Variants in AVEN observed in about 807,000 individuals in gnomAD.
The protein encoded by AVEN is apoptosis and caspase activation inhibitor.
Under a neutral mutation model 38.1 loss-of-function variants are expected in AVEN, and 41 were observed. That is an observed-to-expected ratio of 1.08 (90% CI 0.84 to 1.40). The LOEUF is 1.40. Ranked by LOEUF, AVEN falls within the 40% of genes most tolerant of loss-of-function variation. The pLI is 0.00. For synonymous variants in AVEN, 206 were observed against 171.8 expected (o/e 1.20, Z -1.56); for missense variants, 605 against 438.8 (o/e 1.38, Z -3.38).
chr15:34,009,362 A>G (rs1395949202), intron 1 of AVEN, among the ~76,000 whole-genome samples: 1 of 152,236 alleles, frequency 6.6e-6, no homozygotes, highest in Non-Finnish European at 1.5e-5. Context: ...TAACTATAAA[A>G]TATCACATAA....
rs1012834499 is a variant in AVEN, at chr15:33,946,565, G to A, written c.445+56467C>T. Among the ~76,000 whole-genome samples, 7 of 152,292 alleles carry A rather than the reference G, an allele frequency of 4.6e-5. No homozygotes were observed. In the East Asian group the frequency reaches 1.2e-3, roughly 25 times the overall value. ...CATTCTATTGGGGAACCACAAGCAG[G>A]AGGATCTGTGTTAGCTCAGATGTCA... On this transcript the variant is annotated intron_variant, in intron 2 of 5. Coordinates refer to ENST00000306730, the MANE Select transcript of AVEN (RefSeq NM_020371.3).
At chr15:33,983,160 ATGTGTGTGTG>A (rs1491327104) in intron 2 of AVEN, among the ~76,000 whole-genome samples, 11 of 64,580 alleles carry the variant, frequency 1.7e-4, no homozygotes, top group East Asian at 7.5e-4. Flanking sequence ...GTGTGTGTGT[ATGTGTGTGTG>A]TATATATACA....
intron 2 of AVEN, among the ~76,000 whole-genome samples, chr15:33,921,911 T>A (rs1893411177): frequency 1.3e-5 from 2 of 152,114 alleles, no homozygotes; most frequent in African/African-American, 4.8e-5. Context: ...CTACAGTTCA[T>A]TTCTCCTTAA....
At chr15:33,870,476 A>G (rs943837816) in intron 4 of AVEN, among the ~76,000 whole-genome samples, 1 of 152,032 alleles carries the variant, frequency 6.6e-6, no homozygotes, top group South Asian at 2.1e-4. Context: ...ACCACACCAC[A>G]CCAGAAACTG....
intron 2 of AVEN, among the ~76,000 whole-genome samples, chr15:33,952,583 T>A (rs570785104): frequency 2.0e-5 from 3 of 152,312 alleles, no homozygotes; most frequent in African/African-American, 7.2e-5. Context: ...TACGTCTTTT[T>A]TAAAAACTGG....
intron 2 of AVEN, among the ~76,000 whole-genome samples, chr15:33,899,439 T>C (rs985373262): frequency 2.7e-5 from 4 of 150,570 alleles, no homozygotes; most frequent in African/African-American, 9.7e-5. Flanking sequence ...AGTGTTTACA[T>C]TTATTTGCTT....
intron 2 of AVEN, among the ~76,000 whole-genome samples, chr15:33,935,485 T>A (rs888997039): frequency 1.2e-4 from 3 of 24,580 alleles, no homozygotes; most frequent in African/African-American, 1.8e-4. Flanking sequence ...TGTGTATATA[T>A]GTGTATATAT....
chr15:34,041,157 G>A (rs1899460513), upstream of AVEN, among the ~76,000 whole-genome samples: 2 of 151,884 alleles, frequency 1.3e-5, no homozygotes, highest in African/African-American at 4.8e-5. Flanking sequence ...ATATTTAATA[G>A]CATCCCTGGC....
chr15:34,068,096 C>T (rs879309714), intron 2 of AVEN, among the ~76,000 whole-genome samples: 1 of 151,292 alleles, frequency 6.6e-6, no homozygotes, highest in Admixed American at 6.6e-5. Context: ...AACGTTTTGC[C>T]ACATCTGTGC....
Position 33,867,851 on chromosome 15 carries a change from G to A in AVEN, c.617C>T (p.Thr206Ile), listed in dbSNP as rs148454789. ...CACCTGAGGAACCTCTAAAGGAACT[G>A]TACCCTGAAAGAGAAGTATAAAAAC... ...LNVAAELVQG[T>I]VPLEVPQVKP... Residue 206 changes from threonine (T) to isoleucine (I), a missense_variant, in exon 5 of 6, where the codon ACA becomes ATA. Thr to Ile is a moderately conservative substitution (Grantham distance 89). Coordinates refer to ENST00000306730, the MANE Select transcript of AVEN (RefSeq NM_020371.3). 3 of 1,566,758 alleles carry A rather than the reference G, an allele frequency of 1.9e-6. No homozygotes were observed. The highest frequency in any genetic ancestry group is 2.8e-5 in the African/African-American group (2 of 72,456).
At chr15:33,853,130 A>G in the AVEN span, 2 of 1,488,944 alleles carry the variant, frequency 1.3e-6, no homozygotes, top group African/African-American at 1.4e-5. Flanking sequence ...TCACCAAAAA[A>G]TGTGGTGTAT....
chr15:33,899,460 C>CTGTTTTTTTTTTTTTTTTTTTT (rs1892391318), intron 2 of AVEN, among the ~76,000 whole-genome samples: 1 of 65,430 alleles, frequency 1.5e-5, no homozygotes, highest in Non-Finnish European at 2.9e-5. Flanking sequence ...CAGGGAAAAC[C>CTGTTTTTTTTTTTTTTTTTTTT]TTTTTTTTTT....
At chr15:33,872,041 T>C (rs1890985569) in intron 3 of AVEN, among the ~76,000 whole-genome samples, 1 of 152,218 alleles carries the variant, frequency 6.6e-6, no homozygotes, top group South Asian at 2.1e-4. Flanking sequence ...GGCAGCCACT[T>C]GGCAGTTGAA....
At chr15:33,954,537 C>A (rs1894884897) in intron 2 of AVEN, among the ~76,000 whole-genome samples, 1 of 151,298 alleles carries the variant, frequency 6.6e-6, no homozygotes, top group Non-Finnish European at 1.5e-5. Flanking sequence ...TCATTCTGAG[C>A]AAACTATCAC....
intron 2 of AVEN, among the ~76,000 whole-genome samples, chr15:33,899,949 T>C (rs886474266): frequency 2.6e-5 from 4 of 151,518 alleles, no homozygotes; most frequent in East Asian, 1.9e-4. Flanking sequence ...TTTTTTTTTT[T>C]CACACACAAG....
chr15:33,920,645 ATG>A (rs1893358240), intron 2 of AVEN, among the ~76,000 whole-genome samples: 1 of 152,258 alleles, frequency 6.6e-6, no homozygotes, highest in African/African-American at 2.4e-5. Context: ...GAAAAAATGT[ATG>A]TGTCTTGCCA....
chr15:34,073,155 C>T (rs1348091677), intron 1 of AVEN, among the ~76,000 whole-genome samples: 1 of 151,776 alleles, frequency 6.6e-6, no homozygotes, highest in African/African-American at 2.4e-5. Flanking sequence ...ATTCTCCTGC[C>T]TCAGCCTCCC....
chr15:34,039,295 T>G (rs1393658628), upstream of AVEN: 2 of 142,606 alleles, frequency 1.4e-5, no homozygotes, highest in African/African-American at 3.1e-5. Context: ...CTGGAAGTGG[T>G]GGGGGTCTGC....
intron 2 of AVEN, among the ~76,000 whole-genome samples, chr15:34,068,754 T>A (rs1900568812): frequency 6.6e-6 from 1 of 152,156 alleles, no homozygotes; most frequent in South Asian, 2.1e-4. Flanking sequence ...TTATTTAATC[T>A]GTCTACAGCT....
Sources: gnomAD v4.1 joint callset for allele counts (sites outside exome capture counted in the v4.1 genomes callset) on GRCh38, gnomAD v4.1.1 for gene constraint, MANE v1.5 for transcripts, NCBI Gene and HGNC (gene_info 2026-07-23, HGNC 2026-07-21) for gene names.